The following UQCRC2 variants were observed in gnomAD, a reference collection of about 807,000 sequenced individuals.
The protein encoded by UQCRC2 is ubiquinol-cytochrome c reductase core protein 2, also known as cytochrome b-c1 complex subunit 2, mitochondrial.
UQCRC2 carries 49 observed loss-of-function variants against 55.6 expected under a neutral mutation model. The ratio of observed to expected loss-of-function variants is 0.88; its 90% confidence interval spans 0.70 to 1.12. The LOEUF is 1.12. Ranked by LOEUF, UQCRC2 falls within the 50% of genes most tolerant of loss-of-function variation. The pLI is 0.00. For missense variants in UQCRC2, 506 were observed against 547.8 expected, an observed-to-expected ratio of 0.92 and a Z score of 0.76; for synonymous variants, 193 against 192.0, an observed-to-expected ratio of 1.01 and a Z score of -0.04.
At chr16:21,958,500 A>C (rs1040546100) in intron 3 of UQCRC2, 35 bp from the exon 4 acceptor site, 3 of 1,603,354 alleles carry the variant, frequency 1.9e-6, no homozygotes, top group Non-Finnish European at 2.6e-6. Context: ...TTGGCATTGA[A>C]AAGCTACAAA....
intron 10 of UQCRC2, among the ~76,000 whole-genome samples, chr16:21,973,446 A>G (rs1339277397): frequency 2.6e-5 from 4 of 152,220 alleles, no homozygotes; most frequent in Non-Finnish European, 5.9e-5. Flanking sequence ...CATCTGGATA[A>G]TGACCACTAA....
intron 1 of UQCRC2, among the ~76,000 whole-genome samples, chr16:21,954,889 CA>C (rs542091393): frequency 0.08 from 10,299 of 129,498 alleles, 1,098 homozygotes; most frequent in African/African-American, 0.26. Flanking sequence ...ACTAAAAATA[CA>C]AAAAAAAAAA....
intron 1 of UQCRC2, 97 bp downstream of exon 1, chr16:21,953,553 G>A: frequency 6.8e-7 from 1 of 1,471,042 alleles, no homozygotes; most frequent in East Asian, 2.4e-5. Context: ...TGGGCCTTGG[G>A]ATTCGGTCTG....
chr16:21,976,943 G>A (rs1162489598), intron 12 of UQCRC2: 2 of 151,908 alleles, frequency 1.3e-5, no homozygotes, highest in African/African-American at 4.8e-5. Context: ...GATATCTTTG[G>A]GCTTAAAATA....
At chr16:21,982,949 G>A in intron 13 of UQCRC2, 139 bp from the exon 14 acceptor site, 1 of 760,080 alleles carries the variant, frequency 1.3e-6, no homozygotes, top group Non-Finnish European at 2.0e-6. Flanking sequence ...GGGTGACAGA[G>A]CGAGACTCCA....
At chr16:21,978,872 AAAAC>A (rs1892192020) in intron 12 of UQCRC2, among the ~76,000 whole-genome samples, 1 of 152,220 alleles carries the variant, frequency 6.6e-6, no homozygotes, top group South Asian at 2.1e-4. Flanking sequence ...ACCCTTGGTG[AAAAC>A]AAACAGGCCC....
chr16:21,966,318 G>A (rs1022083706), intron 7 of UQCRC2, among the ~76,000 whole-genome samples: 4 of 151,924 alleles, frequency 2.6e-5, no homozygotes, highest in Admixed American at 6.6e-5. Context: ...ACCAGCCTCC[G>A]TTTGCTGGCT....
At chr16:21,954,754 A>G (rs1272222613) in intron 1 of UQCRC2, among the ~76,000 whole-genome samples, 1 of 152,094 alleles carries the variant, frequency 6.6e-6, no homozygotes, top group African/African-American at 2.4e-5. Context: ...ATTAAGAAGC[A>G]CATTACCGGC....
chr16:21,982,402 C>G (rs1329675695), intron 13 of UQCRC2, among the ~76,000 whole-genome samples: 2 of 152,116 alleles, frequency 1.3e-5, no homozygotes, highest in Admixed American at 6.6e-5. Flanking sequence ...TTTATTGACC[C>G]AGACTATTTG....
At chr16:21,978,582 AC>A (rs1237900142) in intron 12 of UQCRC2, among the ~76,000 whole-genome samples, 1 of 152,190 alleles carries the variant, frequency 6.6e-6, no homozygotes, top group Admixed American at 6.5e-5. Flanking sequence ...GAGTTGCTTC[AC>A]TAATCAAAAC....
At chr16:21,983,012 G>T in intron 13 of UQCRC2, 76 bp from the exon 14 acceptor site, 271 of 1,003,914 alleles carry the variant, frequency 2.7e-4, no homozygotes, top group Non-Finnish European at 3.6e-4. Flanking sequence ...TTCTTGAAAT[G>T]ACAAAATAAG....
intron 4 of UQCRC2, chr16:21,959,875 AT>A (rs1158438313): frequency 6.6e-6 from 1 of 152,230 alleles, no homozygotes; most frequent in African/African-American, 2.4e-5. Context: ...TGTTGCAGTA[AT>A]AATTTGAAAG....
At chr16:21,968,811 CAAT>C (rs1898389570) in intron 8 of UQCRC2, 126 bp downstream of exon 8, 1 of 675,838 alleles carries the variant, frequency 1.5e-6, no homozygotes, top group African/African-American at 1.9e-5. Flanking sequence ...GTCAGACAGG[CAAT>C]ATATCATAGG....
chr16:21,966,412 A>G (rs944357403), intron 7 of UQCRC2, among the ~76,000 whole-genome samples: 1 of 152,124 alleles, frequency 6.6e-6, no homozygotes, highest in African/African-American at 2.4e-5. Flanking sequence ...CTAAATCTAC[A>G]AGTGTAGATA....
chr16:21,973,854 A>G lies in UQCRC2; in HGVS notation c.967-42A>G, dbSNP rs767998018. 14 of 1,582,086 alleles carry G rather than the reference A, an allele frequency of 8.8e-6. No individual in the cohort carries two copies. The South Asian group carries it at 1.4e-4, about 16-fold the overall frequency. The stretch of plus-strand genomic sequence containing the variant: ...ACTTAAAGAAATCGTGCCCTGTTTT[A>G]CTTGGTAGAATATCATACAGTAAAG... On this transcript the variant is annotated intron_variant, in intron 10 of 13. Coordinates refer to ENST00000268379, the MANE Select transcript of UQCRC2 (RefSeq NM_003366.4).
intron 4 of UQCRC2, among the ~76,000 whole-genome samples, chr16:21,961,654 ATATATATATATATATT>A (rs1389399335): frequency 2.2e-5 from 2 of 89,618 alleles, no homozygotes; most frequent in Non-Finnish European, 4.2e-5. Context: ...ATATATATAT[ATATATATATATATATT>A]TTAGACAGTC....
chr16:21,976,290 T>C, intron 12 of UQCRC2, 47 bp downstream of exon 12: 1 of 1,455,320 alleles, frequency 6.9e-7, no homozygotes, highest in Non-Finnish European at 9.6e-7. Context: ...TATTTGAAAG[T>C]TGTATTCTTT....
chr16:21,962,375 C>A, intron 4 of UQCRC2, 85 bp from the exon 5 acceptor site: 1 of 1,501,424 alleles, frequency 6.7e-7, no homozygotes, highest in South Asian at 1.2e-5. Context: ...ATTTTCTTTC[C>A]AAAGGAATTG....
intron 6 of UQCRC2, among the ~76,000 whole-genome samples, chr16:21,963,375 C>T (rs777095463): frequency 6.6e-6 from 1 of 152,152 alleles, no homozygotes; most frequent in Non-Finnish European, 1.5e-5. Flanking sequence ...TGTTTCTAAA[C>T]ATTTATAATC....
Sources: allele counts gnomAD v4.1 joint callset (sites outside exome capture counted in the v4.1 genomes callset), GRCh38; gene constraint gnomAD v4.1.1; transcripts MANE v1.5; gene names NCBI Gene and HGNC (gene_info 2026-07-23, HGNC 2026-07-21).